Variants in PIK3CB observed in about 807,000 individuals in gnomAD.
The protein encoded by PIK3CB is phosphatidylinositol-4,5-bisphosphate 3-kinase catalytic subunit beta.
Under a neutral mutation model 136.8 loss-of-function variants are expected in PIK3CB, and 39 were observed. The observed-to-expected ratio is 0.29, with a 90% CI of 0.22 to 0.37. The LOEUF (loss-of-function observed/expected upper bound fraction) is 0.37. Among genes scored for constraint, PIK3CB ranks in the 10% least tolerant of loss-of-function variants. The pLI is 1.00. For synonymous variants in PIK3CB, 428 were observed against 436.6 expected, an observed-to-expected ratio of 0.98 and a Z score of 0.25; for missense variants, 868 against 1,275.4, an observed-to-expected ratio of 0.68 and a Z score of 4.87.
intron 1 of PIK3CB, among the ~76,000 whole-genome samples, chr3:138,830,736 A>G (rs955216383): frequency 2.7e-5 from 4 of 149,690 alleles, no homozygotes; most frequent in Non-Finnish European, 5.9e-5. Context: ...TGTCTCTACT[A>G]AAAACACACA....
chr3:138,798,934 A>G (rs1220058816), intron 1 of PIK3CB, among the ~76,000 whole-genome samples: 50 of 152,082 alleles, frequency 3.3e-4, no homozygotes, highest in Admixed American at 3.1e-3. Flanking sequence ...TCTTCTGAAC[A>G]AAAGCCTCAC....
intron 10 of PIK3CB, among the ~76,000 whole-genome samples, chr3:138,711,448 ACATGCCTGT>A (rs1294009250): frequency 6.6e-6 from 1 of 151,546 alleles, no homozygotes; most frequent in African/African-American, 2.4e-5. Flanking sequence ...ACGTGGTGGC[ACATGCCTGT>A]AATCCCAGCT....
chr3:138,785,660 C>A (rs961572156), intron 2 of PIK3CB, among the ~76,000 whole-genome samples: 2 of 151,996 alleles, frequency 1.3e-5, no homozygotes, highest in Non-Finnish European at 2.9e-5. Flanking sequence ...ATCTCAAGTA[C>A]CCAGGGACGC....
intron 1 of PIK3CB, among the ~76,000 whole-genome samples, chr3:138,824,523 G>A (rs565854207): frequency 5.3e-5 from 8 of 152,070 alleles, no homozygotes; most frequent in South Asian, 2.1e-4. Context: ...GGCCGGGCGC[G>A]GTGGCTCATC....
Position 138,742,636 on chromosome 3 carries a change from T to G in PIK3CB, c.543A>C (p.Glu181Asp). 6.2e-7 allele frequency: 1 copy of G among 1,610,064 alleles called. No individual in the cohort carries two copies. Among genetic ancestry groups the G allele is most frequent in the South Asian group, 1.1e-5 (1 of 90,942 alleles). ...CTTCTAAGTTTTCAGGGATGGATGG[T>G]TCATGCTCTGGTGGATATGTTTGTT... ...WLKQTYPPEH[E>D]PSIPENLEDK... The change falls in exon 5 of 24, where the codon GAA (glutamate) becomes GAC (aspartate). Residue 181 changes from glutamate to aspartate, a missense_variant. By Grantham distance (45) the Glu-to-Asp change is conservative (BLOSUM62 2). Coordinates refer to ENST00000674063, the MANE Select transcript of PIK3CB (RefSeq NM_006219.3).
At chr3:138,667,123 C>T (rs1223643180) in intron 19 of PIK3CB, among the ~76,000 whole-genome samples, 3 of 147,990 alleles carry the variant, frequency 2.0e-5, no homozygotes, top group Non-Finnish European at 4.4e-5. Flanking sequence ...GCAGGAGAAT[C>T]GCTTGAACCC....
At chr3:138,687,354 A>G (rs1350089133) in intron 16 of PIK3CB, among the ~76,000 whole-genome samples, 1 of 152,248 alleles carries the variant, frequency 6.6e-6, no homozygotes, top group Non-Finnish European at 1.5e-5. Flanking sequence ...TGATGACAAT[A>G]AGCAAGTTAT....
intron 2 of PIK3CB, among the ~76,000 whole-genome samples, chr3:138,768,104 G>A (rs1453944738): frequency 6.6e-6 from 1 of 152,154 alleles, no homozygotes; most frequent in Non-Finnish European, 1.5e-5. Flanking sequence ...CTTCTCTGAA[G>A]GCAGGTCATC....
intron 10 of PIK3CB, among the ~76,000 whole-genome samples, chr3:138,709,035 A>G (rs1701549797): frequency 1.3e-5 from 2 of 152,088 alleles, no homozygotes; most frequent in African/African-American, 4.8e-5. Flanking sequence ...CTCCTGCCTC[A>G]GTCTCCCAAA....
chr3:138,763,599 T>C (rs575673826), intron 2 of PIK3CB, among the ~76,000 whole-genome samples: 8 of 152,038 alleles, frequency 5.3e-5, no homozygotes, highest in Non-Finnish European at 1.2e-4. Context: ...ACAATACTAA[T>C]AAAAGAGCAT....
intron 4 of PIK3CB, among the ~76,000 whole-genome samples, chr3:138,745,496 G>T (rs920019983): frequency 6.6e-6 from 1 of 152,112 alleles, no homozygotes; most frequent in Non-Finnish European, 1.5e-5. Flanking sequence ...AGCCAGACAT[G>T]GTGGTGTGTG....
chr3:138,681,009 C>T (rs1358098942), intron 19 of PIK3CB, among the ~76,000 whole-genome samples: 1 of 148,540 alleles, frequency 6.7e-6, no homozygotes, highest in Non-Finnish European at 1.5e-5. Flanking sequence ...ATAATCTGTA[C>T]TTCTTAATTG....
intron 6 of PIK3CB, 148 bp from the exon 7 acceptor site, chr3:138,734,952 A>AT (rs1200519804): frequency 9.1e-3 from 1,668 of 183,950 alleles, no homozygotes; most frequent in Middle Eastern, 0.018. Context: ...AAAAAAAAAA[A>AT]TTTTTTTTTT....
chr3:138,747,054 TTATATATATATATATA>T lies in PIK3CB; in HGVS notation c.398-4289_398-4274del, dbSNP rs59299476. Among the ~76,000 whole-genome samples the T allele has an allele frequency of 7.9e-3, 332 of 42,214 alleles. 4 individuals carry two copies. The highest frequency in any genetic ancestry group is 8.8e-3 in the Admixed American group (22 of 2,488). 27.7% of individuals were successfully genotyped at this position (42,214 alleles called of 152,430 possible). On this transcript the variant is annotated intron_variant, in intron 4 of 23. Transcript: ENST00000674063. ...CAGTACATATCAAGCTATTCAGCCT[TTATATATATATATATA>T]TATATATATATATATATATATATAT... is the stretch of plus-strand genomic sequence containing the variant.
intron 2 of PIK3CB, among the ~76,000 whole-genome samples, chr3:138,773,271 C>T (rs911718161): frequency 6.6e-6 from 1 of 151,720 alleles, no homozygotes; most frequent in African/African-American, 2.4e-5. Flanking sequence ...TGTTGTCAGG[C>T]GCCCACCTAC....
At chr3:138,763,215 T>C (rs1344940234) in intron 2 of PIK3CB, among the ~76,000 whole-genome samples, 1 of 152,136 alleles carries the variant, frequency 6.6e-6, no homozygotes, top group East Asian at 1.9e-4. Context: ...CTCAGCTCAC[T>C]GCAACTTCTG....
At chr3:138,676,900 ATGT>A (rs2043657375) in intron 19 of PIK3CB, among the ~76,000 whole-genome samples, 1 of 152,160 alleles carries the variant, frequency 6.6e-6, no homozygotes, top group Admixed American at 6.5e-5. Flanking sequence ...GTTGATAAAA[ATGT>A]TGTAAAATTA....
chr3:138,806,970 C>G (rs1180789918), intron 1 of PIK3CB, among the ~76,000 whole-genome samples: 1 of 152,142 alleles, frequency 6.6e-6, no homozygotes, highest in Admixed American at 6.6e-5. Context: ...TGCAGTAGTG[C>G]CCTCAAATAC....
At chr3:138,708,793 TAC>T (rs2044433977) in intron 10 of PIK3CB, among the ~76,000 whole-genome samples, 1 of 152,056 alleles carries the variant, frequency 6.6e-6, no homozygotes, top group Non-Finnish European at 1.5e-5. Context: ...CTCAGCAATT[TAC>T]AGTTTCATAC....
Sources: gnomAD v4.1 joint callset for allele counts (sites outside exome capture counted in the v4.1 genomes callset) on GRCh38, gnomAD v4.1.1 for gene constraint, MANE v1.5 for transcripts, NCBI Gene and HGNC (gene_info 2026-07-23, HGNC 2026-07-21) for gene names.